Variants in STIM2 observed in about 807,000 individuals in gnomAD.
STIM2 encodes the protein stromal interaction molecule 2.
In STIM2, 31 loss-of-function variants were observed where a neutral mutation model predicts 85.8. The ratio of observed to expected loss-of-function variants is 0.36; its 90% CI spans 0.27 to 0.49. STIM2 has a LOEUF of 0.49. STIM2 is among the 20% of genes least tolerant of loss of function. The pLI is 0.98. For missense variants in STIM2, 841 were observed against 927.6 expected, an observed-to-expected ratio of 0.91 and a Z score of 1.21; for synonymous variants, 356 against 331.1, an observed-to-expected ratio of 1.08 and a Z score of -0.82.
At chr4:26,945,882 TA>T (rs1725819097) in intron 2 of STIM2, among the ~76,000 whole-genome samples, 2 of 152,178 alleles carry the variant, frequency 1.3e-5, no homozygotes, top group African/African-American at 4.8e-5. Flanking sequence ...CCTGTGAACC[TA>T]AAACTGCTCT....
chr4:26,896,235 CTT>C (rs758691722), intron 1 of STIM2, among the ~76,000 whole-genome samples: 3 of 152,228 alleles, frequency 2.0e-5, no homozygotes, highest in Non-Finnish European at 4.4e-5. Flanking sequence ...CTTTTCATCT[CTT>C]TGACTGCTTT....
At position 26,861,318 on chromosome 4, in the gene STIM2, G is replaced by A. The variant is rs1722175007; in HGVS notation, c.100G>A (p.Ala34Thr). ...GCGGGCGACTGGCTCTGCCGCAACT[G>A]CCGCCTCCTCTCCCGCCGCGGCGGC... The change falls in exon 1 of 12, where the codon GCC becomes ACC. Residue 34 changes from alanine to threonine, a missense_variant. Transcript: ENST00000467087. 7.1e-7 allele frequency: 1 copy of A among 1,410,714 alleles called. No homozygotes were observed. The highest frequency in any genetic ancestry group is 9.2e-7 in the Non-Finnish European group (1 of 1,085,854). The allele number at this position is 1,410,714 out of a possible 1,614,324, so 87.4% of individuals were successfully genotyped here. A position where few individuals can be genotyped will look rare whatever the true frequency, so the allele number is the denominator to read the frequency against.
At chr4:26,974,565 C>T (rs763335896) in intron 3 of STIM2, among the ~76,000 whole-genome samples, 1 of 152,200 alleles carries the variant, frequency 6.6e-6, no homozygotes, top group Non-Finnish European at 1.5e-5. Flanking sequence ...GAATATCGAC[C>T]TCCACTCTCT....
chr4:26,953,834 T>C (rs1050965996), intron 2 of STIM2, among the ~76,000 whole-genome samples: 3 of 152,118 alleles, frequency 2.0e-5, no homozygotes, highest in Non-Finnish European at 2.9e-5. Context: ...TCAGTGTGTT[T>C]ATCACCCTAA....
At chr4:26,957,559 G>T (rs1253411212) in intron 2 of STIM2, 53 bp from the exon 3 acceptor site, 9 of 1,075,136 alleles carry the variant, frequency 8.4e-6, no homozygotes, top group Non-Finnish European at 1.2e-5. Context: ...TTCTCTAGTT[G>T]TCAAGACTAA....
In STIM2 at chr4:27,023,559, G is replaced by C. The variant is rs1158573214; in HGVS notation, c.*563G>C. On this transcript the variant is annotated 3_prime_UTR_variant, in exon 12 of 12. Transcript: ENST00000467087. Reference sequence around the variant, plus strand: ...CTGTTTTCACTTTTAGATCAAAATGGGTTTTTAAGTAGAACCTAGGGTTTC... The same window carrying C: ...CTGTTTTCACTTTTAGATCAAAATGCGTTTTTAAGTAGAACCTAGGGTTTC... The C allele has an allele frequency of 6.6e-6, 1 of 152,424 alleles. No homozygotes were observed. The highest frequency in any genetic ancestry group is 2.4e-5 in the African/African-American group (1 of 41,522). The allele number at this position is 152,424 out of a possible 1,614,324, so 9.4% of individuals were successfully genotyped here.
chr4:26,882,997 C>T (rs1386494084), intron 1 of STIM2, among the ~76,000 whole-genome samples: 2 of 145,136 alleles, frequency 1.4e-5, no homozygotes, highest in East Asian at 4.3e-4. Flanking sequence ...GCCACCATAC[C>T]TGGCTAATTT....
intron 4 of STIM2, among the ~76,000 whole-genome samples, 168 bp from the exon 5 acceptor site, chr4:26,999,063 GT>G (rs1728057860): frequency 1.3e-5 from 2 of 151,962 alleles, no homozygotes; most frequent in Non-Finnish European, 2.9e-5. Flanking sequence ...CACTGAAGAG[GT>G]TTTTGAAACA....
intron 1 of STIM2, chr4:26,874,211 C>T (rs1722732604): frequency 2.1e-6 from 1 of 468,286 alleles, no homozygotes; most frequent in Non-Finnish European, 4.3e-6. Context: ...ACTGTCTGCA[C>T]AGGGAACCCA....
At chr4:26,957,524 C>A (rs1726292098) in intron 2 of STIM2, 88 bp from the exon 3 acceptor site, 2 of 723,600 alleles carry the variant, frequency 2.8e-6, no homozygotes, top group East Asian at 3.1e-5. Context: ...AAATAGTCAC[C>A]CACTGGATAT....
intron 3 of STIM2, among the ~76,000 whole-genome samples, chr4:26,992,690 A>G (rs1469846017): frequency 6.6e-6 from 1 of 152,146 alleles, no homozygotes; most frequent in Non-Finnish European, 1.5e-5. Context: ...GCCCTGAAGA[A>G]GGACATAGTA....
At chr4:27,004,942 T>C (rs1449080378) in intron 7 of STIM2, among the ~76,000 whole-genome samples, 1 of 152,210 alleles carries the variant, frequency 6.6e-6, no homozygotes, top group Non-Finnish European at 1.5e-5. Flanking sequence ...ATTATCTTCA[T>C]TTACAAATGA....
rs182914456 is a variant in STIM2, at chr4:26,921,929, G to A, written c.282+2295G>A. 1.4e-4 allele frequency among the ~76,000 whole-genome samples: 21 copies of A among 152,128 alleles called. No individual in the cohort carries two copies. The East Asian group carries it at 3.3e-3, about 24-fold the overall frequency. On this transcript the variant is annotated intron_variant, in intron 2 of 11. Coordinates refer to ENST00000467087, the MANE Select transcript of STIM2 (RefSeq NM_020860.4). ...CGATTAGAGCTCAGTCAGTACCAGCGATACCAAAATCATTACTTTCGATTC... is the reference window on the plus strand; with the variant it reads ...CGATTAGAGCTCAGTCAGTACCAGCAATACCAAAATCATTACTTTCGATTC...
intron 1 of STIM2, among the ~76,000 whole-genome samples, chr4:26,902,317 C>T (rs1019877815): frequency 1.3e-5 from 2 of 152,186 alleles, no homozygotes; most frequent in African/African-American, 4.8e-5. Flanking sequence ...CTTATTTTCT[C>T]ACGCTGTCAG....
chr4:26,965,784 C>A (rs1240722128), intron 3 of STIM2, among the ~76,000 whole-genome samples: 1 of 152,076 alleles, frequency 6.6e-6, no homozygotes, highest in African/African-American at 2.4e-5. Context: ...ACAATCCTGC[C>A]TTCTTTACAT....
chr4:26,976,398 T>C (rs1727197072), intron 3 of STIM2, among the ~76,000 whole-genome samples: 1 of 151,224 alleles, frequency 6.6e-6, no homozygotes, highest in Non-Finnish European at 1.5e-5. Flanking sequence ...TTTTTTTTTT[T>C]TTTTAGTGGC....
At position 26,935,419 on chromosome 4, in the gene STIM2, G is replaced by A. The variant is rs57448096; in HGVS notation, c.282+15785G>A. Among the ~76,000 whole-genome samples the A allele has an allele frequency of 7.9e-3, 1,200 of 152,258 alleles. 58 individuals carry two copies. In the East Asian group the frequency reaches 0.14, roughly 18 times the overall value. The stretch of plus-strand genomic sequence containing the variant: ...AGATATTAAATAGAAAAAGGTTAGG[G>A]CCACCCTAATACTTCTCATTTAGCT... On this transcript the variant is annotated intron_variant, in intron 2 of 11. Coordinates refer to ENST00000467087, the MANE Select transcript of STIM2 (RefSeq NM_020860.4).
chr4:26,943,053 C>A (rs1425374995), intron 2 of STIM2, among the ~76,000 whole-genome samples: 1 of 152,108 alleles, frequency 6.6e-6, no homozygotes, highest in Admixed American at 6.6e-5. Context: ...TGCATTATAA[C>A]AATCTTTGAG....
chr4:27,015,982 C>T (rs570013896), intron 10 of STIM2, among the ~76,000 whole-genome samples: 1 of 151,992 alleles, frequency 6.6e-6, no homozygotes, highest in Admixed American at 6.5e-5. Flanking sequence ...ATCTTATCTT[C>T]CACATTTCTT....
Sources: gnomAD v4.1 joint callset for allele counts (sites outside exome capture counted in the v4.1 genomes callset) on GRCh38, gnomAD v4.1.1 for gene constraint, MANE v1.5 for transcripts, NCBI Gene and HGNC (gene_info 2026-07-23, HGNC 2026-07-21) for gene names.